Variants in EPHA3 observed in about 807,000 individuals in gnomAD.
The protein encoded by EPHA3 is ephrin type-A receptor 3.
Under a neutral mutation model 107.1 loss-of-function variants are expected in EPHA3, and 42 were observed. The observed-to-expected ratio is 0.39, with a 90% CI of 0.31 to 0.51. EPHA3 has a LOEUF of 0.51. EPHA3 is among the 20% of genes least tolerant of loss of function. The pLI is 0.78. For missense variants in EPHA3, 1,183 were observed against 1,211.2 expected (o/e 0.98, Z 0.35); for synonymous variants, 461 against 424.8 (o/e 1.09, Z -1.05).
intron 2 of EPHA3, among the ~76,000 whole-genome samples, chr3:89,184,282 G>A (rs1037778303): frequency 6.6e-6 from 1 of 151,978 alleles, no homozygotes; most frequent in Admixed American, 6.6e-5. Flanking sequence ...TGGTTGACTT[G>A]AGTGGCTTCA....
At position 89,298,318 on chromosome 3, in the gene EPHA3, T is replaced by G. The variant is rs529050558; in HGVS notation, c.815-42598T>G. On this transcript the variant is annotated intron_variant, in intron 3 of 16. Transcript: ENST00000336596. Reference sequence around the variant, plus strand: ...CCTGGTGTTCTCTGCAAAAAAACTCTAGTCATCTTGGTCTCCCTGGACTTT... The same window carrying G: ...CCTGGTGTTCTCTGCAAAAAAACTCGAGTCATCTTGGTCTCCCTGGACTTT... 3.9e-5 allele frequency among the ~76,000 whole-genome samples: 6 copies of G among 152,304 alleles called. No individual in the cohort carries two copies. The East Asian group carries it at 1.2e-3, about 29-fold the overall frequency.
intron 13 of EPHA3, among the ~76,000 whole-genome samples, chr3:89,448,639 C>T (rs1709925899): frequency 1.3e-5 from 2 of 152,134 alleles, no homozygotes; most frequent in African/African-American, 4.8e-5. Flanking sequence ...CCAGAAGACA[C>T]TTCAATGACT....
chr3:89,142,819 T>A (rs1236227138), intron 2 of EPHA3, among the ~76,000 whole-genome samples: 1 of 151,482 alleles, frequency 6.6e-6, no homozygotes, highest in African/African-American at 2.4e-5. Flanking sequence ...AGCCATCAAA[T>A]CTTTCAATAG....
rs944854713 is a variant in EPHA3 at position 89,481,999 on chromosome 3, A to C, written c.*2497A>C. ...ATGATTGGCAATATGTGTTTACTTT[A>C]AACTTGTCTTTTCAAAATATTACTC... On this transcript the variant is annotated 3_prime_UTR_variant, in exon 17 of 17. Coordinates refer to ENST00000336596, the MANE Select transcript of EPHA3 (RefSeq NM_005233.6). 16 of 223,892 alleles carry C rather than the reference A, an allele frequency of 7.1e-5. No individual in the cohort carries two copies. The highest frequency in any genetic ancestry group is 3.6e-4 in the African/African-American group (16 of 44,862). 13.9% of individuals were successfully genotyped at this position (223,892 alleles called of 1,614,324 possible).
At chr3:89,209,720 T>C in intron 2 of EPHA3, 140 bp from the exon 3 acceptor site, 1 of 687,678 alleles carries the variant, frequency 1.5e-6, no homozygotes, top group Non-Finnish European at 2.3e-6. Flanking sequence ...CAGAGAACCT[T>C]GCAAATAAAA....
intron 1 of EPHA3, among the ~76,000 whole-genome samples, chr3:89,122,371 G>A (rs1371327496): frequency 6.6e-6 from 1 of 152,082 alleles, no homozygotes; most frequent in African/African-American, 2.4e-5. Context: ...TTTTACTAGA[G>A]AACATGTGCA....
intron 5 of EPHA3, among the ~76,000 whole-genome samples, chr3:89,378,241 TC>T (rs2107480630): frequency 6.6e-6 from 1 of 152,230 alleles, no homozygotes; most frequent in East Asian, 1.9e-4. Context: ...TACACATGTA[TC>T]CTAGAACTTA....
At chr3:89,324,222 C>G (rs1707112353) in intron 3 of EPHA3, among the ~76,000 whole-genome samples, 1 of 142,658 alleles carries the variant, frequency 7.0e-6, no homozygotes. Flanking sequence ...GGCTGGAGTA[C>G]AGTGATGCAA....
At chr3:89,219,713 T>TTG (rs1704318716) in intron 3 of EPHA3, among the ~76,000 whole-genome samples, 1 of 37,082 alleles carries the variant, frequency 2.7e-5, no homozygotes, top group African/African-American at 6.4e-5. Flanking sequence ...GTTTTTTGTT[T>TTG]TTTTTTTTTT....
intron 3 of EPHA3, among the ~76,000 whole-genome samples, chr3:89,339,911 C>A (rs1427295769): frequency 6.6e-6 from 1 of 152,122 alleles, no homozygotes; most frequent in Non-Finnish European, 1.5e-5. Flanking sequence ...CAAGGATCAT[C>A]TTGAATCTAA....
chr3:89,238,332 C>G (rs1704820391), intron 3 of EPHA3, among the ~76,000 whole-genome samples: 2 of 152,106 alleles, frequency 1.3e-5, no homozygotes, highest in Non-Finnish European at 2.9e-5. Flanking sequence ...ATATAATCAT[C>G]TCATCAAGTA....
chr3:89,352,271 A>G (rs1707844201), intron 5 of EPHA3, among the ~76,000 whole-genome samples: 1 of 151,452 alleles, frequency 6.6e-6, no homozygotes, highest in Admixed American at 6.6e-5. Context: ...TCTGGCTGAA[A>G]ATTGCCATCC....
At chr3:89,414,970 A>C (rs1224564688) in intron 10 of EPHA3, among the ~76,000 whole-genome samples, 1 of 151,556 alleles carries the variant, frequency 6.6e-6, no homozygotes, top group East Asian at 1.9e-4. Context: ...TTTGCAGCCA[A>C]TATTCACATT....
intron 3 of EPHA3, among the ~76,000 whole-genome samples, chr3:89,234,204 C>A (rs1576252202): frequency 6.6e-6 from 1 of 152,096 alleles, no homozygotes; most frequent in East Asian, 1.9e-4. Flanking sequence ...AATATATAAA[C>A]AAGAATATAA....
chr3:89,253,773 T>A (rs1705216705), intron 3 of EPHA3, among the ~76,000 whole-genome samples: 1 of 151,970 alleles, frequency 6.6e-6, no homozygotes, highest in African/African-American at 2.4e-5. Flanking sequence ...AAATCTGATT[T>A]GAAATTATAG....
At chr3:89,423,605 A>C (rs1405984227) in intron 11 of EPHA3, among the ~76,000 whole-genome samples, 4 of 151,398 alleles carry the variant, frequency 2.6e-5, no homozygotes, top group Non-Finnish European at 5.9e-5. Flanking sequence ...CAAATTGTTA[A>C]AATGAGTTCA....
Position 89,351,574 on chromosome 3 carries a change from C to A in EPHA3, c.1306+9484C>A, listed in dbSNP as rs1707820747. 2.0e-5 allele frequency among the ~76,000 whole-genome samples: 3 copies of A among 151,174 alleles called. No individual in the cohort carries two copies. In the Admixed American group the frequency reaches 2.0e-4, roughly 10 times the overall value. On this transcript the variant is annotated intron_variant, in intron 5 of 16. Coordinates refer to ENST00000336596, the MANE Select transcript of EPHA3 (RefSeq NM_005233.6). ...AGATGGAAATGCAGAAATCACCCGTCTTCTGCGTCGCTCACGCTGGGAGCT... is the reference window on the plus strand; with the variant it reads ...AGATGGAAATGCAGAAATCACCCGTATTCTGCGTCGCTCACGCTGGGAGCT...
intron 3 of EPHA3, among the ~76,000 whole-genome samples, chr3:89,262,885 A>T (rs188386559): frequency 1.0e-4 from 15 of 150,542 alleles, no homozygotes; most frequent in Admixed American, 7.3e-4. Flanking sequence ...GCAGGAGCTA[A>T]CTCCGTTCAG....
Position 89,142,060 on chromosome 3 carries a change from A to C in EPHA3, c.153+14787A>C, listed in dbSNP as rs143616538. Among the ~76,000 whole-genome samples, 20 of 151,464 alleles carry C rather than the reference A, an allele frequency of 1.3e-4. No homozygotes were observed. The East Asian group carries it at 3.9e-3, about 29-fold the overall frequency. ...AAATAAAACTTTTTTCTAAATATTAATTTTATATTGTATGCTATTTGCTAT... is the reference window on the plus strand; with the variant it reads ...AAATAAAACTTTTTTCTAAATATTACTTTTATATTGTATGCTATTTGCTAT... On this transcript the variant is annotated intron_variant, in intron 2 of 16. Coordinates refer to ENST00000336596, the MANE Select transcript of EPHA3 (RefSeq NM_005233.6).
Sources: allele counts gnomAD v4.1 joint callset (sites outside exome capture counted in the v4.1 genomes callset), GRCh38; gene constraint gnomAD v4.1.1; transcripts MANE v1.5; gene names NCBI Gene and HGNC (gene_info 2026-07-23, HGNC 2026-07-21).